The following MEI1 variants were observed in gnomAD, a reference collection of about 807,000 sequenced individuals.
MEI1 encodes the protein meiotic double-stranded break formation protein 1.
MEI1 carries 103 observed loss-of-function variants against 146.2 expected under a neutral mutation model. The observed-to-expected ratio is 0.70, with a 90% CI of 0.60 to 0.83. The LOEUF is 0.83. Among genes scored for constraint, MEI1 ranks in the 40% least tolerant of loss-of-function variants. The probability of loss-of-function intolerance (pLI) is 0.00; values close to 1 mark genes in which losing one functional copy is unlikely to be tolerated. For synonymous variants in MEI1, 652 were observed against 628.2 expected, an observed-to-expected ratio of 1.04 and a Z score of -0.57; for missense variants, 1,529 against 1,533.0, an observed-to-expected ratio of 1.00 and a Z score of 0.04.
chr22:41,748,768 C>T (rs76422293), intron 15 of MEI1, among the ~76,000 whole-genome samples: 2,477 of 151,688 alleles, frequency 0.016, 50 homozygotes, highest in Admixed American at 0.059. Flanking sequence ...GTGGTATGCC[C>T]AGGATTCAAA....
chr22:41,798,091 A>G (rs1356355699), intron 30 of MEI1, among the ~76,000 whole-genome samples: 1 of 149,394 alleles, frequency 6.7e-6, no homozygotes, highest in Non-Finnish European at 1.5e-5. Flanking sequence ...GTCCAAGCGC[A>G]GTTGGTTCAA....
rs774926457 is a variant in MEI1 at position 41,784,325 on chromosome 22, C to A, written c.3088-14C>A. 1.2e-6 allele frequency: 2 copies of A among 1,612,570 alleles called. No individual in the cohort carries two copies. Among genetic ancestry groups the A allele is most frequent in the South Asian group, 2.2e-5 (2 of 91,046 alleles). ...AGAACATGGGGGTTAGCCCTTTACCCTGTGCCCTGCCAGGTTCACCAGACA... is the reference window on the plus strand; with the variant it reads ...AGAACATGGGGGTTAGCCCTTTACCATGTGCCCTGCCAGGTTCACCAGACA... On this transcript the variant is annotated splice_polypyrimidine_tract_variant and intron_variant, in intron 24 of 30. Transcript: ENST00000401548.
At chr22:41,792,103 T>C (rs1427351960) in intron 26 of MEI1, among the ~76,000 whole-genome samples, 1 of 152,222 alleles carries the variant, frequency 6.6e-6, no homozygotes, top group Non-Finnish European at 1.5e-5. Flanking sequence ...AACTACTGAA[T>C]TATATCCTTT....
At chr22:41,713,728 A>G (rs1448214362) in intron 3 of MEI1, among the ~76,000 whole-genome samples, 1 of 152,010 alleles carries the variant, frequency 6.6e-6, no homozygotes, top group African/African-American at 2.4e-5. Flanking sequence ...TTGTTTTTCT[A>G]ATAGAGACGA....
intron 17 of MEI1, among the ~76,000 whole-genome samples, chr22:41,755,104 CA>C (rs1225020693): frequency 2.0e-5 from 3 of 152,134 alleles, no homozygotes; most frequent in Admixed American, 2.0e-4. Flanking sequence ...TGCTACCTGC[CA>C]GGGGAGGCCT....
chr22:41,720,628 C>T (rs1042856857), intron 6 of MEI1, among the ~76,000 whole-genome samples: 5 of 143,692 alleles, frequency 3.5e-5, no homozygotes, highest in African/African-American at 1.3e-4. Flanking sequence ...CGGAGTCTGG[C>T]ACAGTTGCCC....
At chr22:41,740,010 G>T (rs2072720160) in intron 11 of MEI1, among the ~76,000 whole-genome samples, 1 of 151,444 alleles carries the variant, frequency 6.6e-6, no homozygotes, top group Admixed American at 6.6e-5. Flanking sequence ...ATTAAGCCTT[G>T]GATTATTTTA....
Position 41,781,671 on chromosome 22 carries a change from C to T in MEI1, c.2927-14C>T, listed in dbSNP as rs947762313. 4 of 1,610,598 alleles carry T rather than the reference C, an allele frequency of 2.5e-6. No individual in the cohort carries two copies. The highest frequency in any genetic ancestry group is 1.3e-5 in the African/African-American group (1 of 74,970). On this transcript the variant is annotated splice_polypyrimidine_tract_variant and intron_variant, in intron 23 of 30. Coordinates refer to ENST00000401548, the MANE Select transcript of MEI1 (RefSeq NM_152513.4). ...TGTAACTCCTGTGGGCCCTGCCTTG[C>T]CCACCCCCGACAGCTGCTGCAGTGC...
rs768238026 is a variant in MEI1, at chr22:41,784,457, T to C, written c.3169+37T>C. The C allele has an allele frequency of 6.8e-6, 11 of 1,609,884 alleles. No homozygotes were observed. The Admixed American group carries it at 1.7e-4, about 24-fold the overall frequency. ...CAAGTCTCCAGCAGAAGAAAAGCTT[T>C]TTCCCTAGGTTTTCAGATAAGACCA... is the stretch of plus-strand genomic sequence containing the variant. On this transcript the variant is annotated intron_variant, in intron 25 of 30. Transcript: ENST00000401548.
chr22:41,786,025 C>T lies in MEI1; in HGVS notation c.3345+1242C>T, dbSNP rs574136746. ...TCCCGGGTTCACGCCATTCTCCTGC[C>T]TCAGCCTCCCGAGTAGCTGGGACTA... On this transcript the variant is annotated intron_variant, in intron 26 of 30. Coordinates refer to ENST00000401548, the MANE Select transcript of MEI1 (RefSeq NM_152513.4). Among the ~76,000 whole-genome samples, 244 of 148,300 alleles carry T rather than the reference C, an allele frequency of 1.6e-3. 3 individuals carry two copies. The Middle Eastern group carries it at 0.021, about 13-fold the overall frequency.
At chr22:41,738,413 C>T (rs951459670) in intron 11 of MEI1, among the ~76,000 whole-genome samples, 1 of 152,098 alleles carries the variant, frequency 6.6e-6, no homozygotes, top group Non-Finnish European at 1.5e-5. Flanking sequence ...GTGGTTCATC[C>T]CCGTTTCTAC....
In MEI1 at chr22:41,752,611, C is replaced by T; in HGVS notation, c.1813C>T (p.Leu605=). ...KKLASSSFIR[L]TLELKARFCS... ...TGAAGCTTCCTCATCCTTCATACGA[C>T]TGACCCTGGAGCTGAAGGCCAGGTT... Residue 605 remains leucine (L), a synonymous_variant, in exon 16 of 31, where the codon CTG becomes TTG. Coordinates refer to ENST00000401548, the MANE Select transcript of MEI1 (RefSeq NM_152513.4). 1 of 1,599,946 alleles carries T rather than the reference C, an allele frequency of 6.3e-7. No individual in the cohort carries two copies. The highest frequency in any genetic ancestry group is 8.5e-7 in the Non-Finnish European group (1 of 1,173,314).
intron 24 of MEI1, 76 bp downstream of exon 24, chr22:41,781,921 C>T: frequency 6.5e-7 from 1 of 1,539,836 alleles, no homozygotes; most frequent in Non-Finnish European, 8.9e-7. Flanking sequence ...AGTTCTGGTC[C>T]CAGCTCTGGG....
In MEI1 at chr22:41,776,274, C is replaced by A; in HGVS notation, c.2710+7C>A. 6.2e-7 allele frequency: 1 copy of A among 1,612,876 alleles called. No homozygotes were observed. Among genetic ancestry groups the A allele is most frequent in the Non-Finnish European group, 8.5e-7 (1 of 1,179,688 alleles). ...GGGGCATCCCCATCAGGAGGTCAGT[C>A]TGCAGGTGCTGTGGGCACACTTTGA... On this transcript the variant is annotated splice_region_variant and intron_variant, in intron 21 of 30. Transcript: ENST00000401548.
chr22:41,720,857 C>T (rs1227230643), intron 6 of MEI1, among the ~76,000 whole-genome samples: 4 of 152,094 alleles, frequency 2.6e-5, no homozygotes, highest in Non-Finnish European at 2.9e-5. Context: ...CTGCAAGCTC[C>T]GCCTCCCAGG....
intron 19 of MEI1, among the ~76,000 whole-genome samples, chr22:41,765,883 CT>C (rs1013045266): frequency 0.074 from 6,349 of 86,096 alleles, 363 homozygotes; most frequent in African/African-American, 0.23. Context: ...CCAAAATGTT[CT>C]TTTTTTTTTT....
intron 4 of MEI1, 47 bp from the exon 5 acceptor site, chr22:41,715,994 C>T: frequency 7.2e-7 from 1 of 1,382,872 alleles, no homozygotes; most frequent in Non-Finnish European, 1.0e-6. Flanking sequence ...GGTGGAAGAT[C>T]TGTCCTGATC....
Position 41,753,963 on chromosome 22 carries a change from A to G in MEI1, c.1868A>G (p.Asn623Ser). 1 of 1,612,640 alleles carries G rather than the reference A, an allele frequency of 6.2e-7. No homozygotes were observed. The highest frequency in any genetic ancestry group is 8.5e-7 in the Non-Finnish European group (1 of 1,178,830). Residue 623 changes from asparagine (N) to serine (S), a missense_variant, in exon 17 of 31, where the codon AAC becomes AGC. By Grantham distance (46) the Asn-to-Ser change is conservative. This residue lies in a region of MEI1 where 1,212 missense variants were observed against 1,178.9 expected (regional missense o/e 1.03). Transcript: ENST00000401548. ...CTCCCTCTAAGTCACTCAGCCCTAA[A>G]CCAGGTGTGTTCCAATTTCCTCTAC... Reference protein sequence around the residue: ...FCSGLSHSALNQVCSNFLYYM... With the variant: ...FCSGLSHSALSQVCSNFLYYM...
intron 16 of MEI1, among the ~76,000 whole-genome samples, chr22:41,752,883 C>G (rs1043237603): frequency 6.6e-6 from 1 of 152,122 alleles, no homozygotes; most frequent in Non-Finnish European, 1.5e-5. Flanking sequence ...GTACCTGTCA[C>G]ATCAAAACTG....
Sources: allele counts gnomAD v4.1 joint callset (sites outside exome capture counted in the v4.1 genomes callset), GRCh38; gene constraint gnomAD v4.1.1; regional missense constraint gnomAD v4.1.1; transcripts MANE v1.5; gene names NCBI Gene and HGNC (gene_info 2026-07-23, HGNC 2026-07-21).